The following BMPER variants were observed in gnomAD, a reference collection of about 807,000 sequenced individuals.
BMPER encodes BMP-binding endothelial regulator protein.
Under a neutral mutation model 87.3 loss-of-function variants are expected in BMPER, and 45 were observed. The observed-to-expected ratio is 0.52, with a 90% CI of 0.41 to 0.66. The LOEUF (loss-of-function observed/expected upper bound fraction) is 0.66. Among genes scored for constraint, BMPER ranks in the 30% least tolerant of loss-of-function variants. The pLI, the probability that BMPER is intolerant of heterozygous loss-of-function variation, is 0.00. For synonymous variants in BMPER, 326 were observed against 316.2 expected, an observed-to-expected ratio of 1.03 and a Z score of -0.33; for missense variants, 784 against 867.5, an observed-to-expected ratio of 0.90 and a Z score of 1.21.
At chr7:33,933,685 G>A (rs1784534150) in intron 2 of BMPER, among the ~76,000 whole-genome samples, 1 of 152,154 alleles carries the variant, frequency 6.6e-6, no homozygotes, top group Non-Finnish European at 1.5e-5. Context: ...GGTTGGCCAT[G>A]ACACAGGCCC....
intron 11 of BMPER, among the ~76,000 whole-genome samples, chr7:34,069,222 A>G (rs961296980): frequency 2.6e-5 from 4 of 152,226 alleles, no homozygotes; most frequent in African/African-American, 7.2e-5. Context: ...AAACGACAAA[A>G]CAAATGAACA....
chr7:34,117,389 C>G (rs1163075379), intron 13 of BMPER, among the ~76,000 whole-genome samples: 1 of 152,100 alleles, frequency 6.6e-6, no homozygotes, highest in African/African-American at 2.4e-5. Context: ...GAGTCAGAAG[C>G]ACCGAACTCA....
In BMPER at chr7:34,023,231, C is replaced by T. The variant is rs181514379; in HGVS notation, c.577-23075C>T. The stretch of plus-strand genomic sequence containing the variant: ...ATCCACTGCTGTCACAGTGTGTCCT[C>T]TAAGGCTAGTCGTCATACATCTTGG... On this transcript the variant is annotated intron_variant, in intron 6 of 14. Coordinates refer to ENST00000649409, the MANE Select transcript of BMPER (RefSeq NM_001365308.1). Among the ~76,000 whole-genome samples, 830 of 152,144 alleles carry T rather than the reference C, an allele frequency of 5.5e-3. 3 individuals carry two copies. The highest frequency in any genetic ancestry group is 8.8e-3 in the Non-Finnish European group (598 of 67,962).
In BMPER at chr7:33,980,357, G is replaced by A. The variant is rs118099343; in HGVS notation, c.576+5573G>A. ...TAAGCACTATATTCATGTTTAAATG[G>A]AAAGAGGATTCTTTCCTACCACTGA... On this transcript the variant is annotated intron_variant, in intron 6 of 14. Coordinates refer to ENST00000649409, the MANE Select transcript of BMPER (RefSeq NM_001365308.1). 2.6e-3 allele frequency among the ~76,000 whole-genome samples: 397 copies of A among 152,272 alleles called. 9 individuals are homozygous for A. The East Asian group carries it at 0.041, about 16-fold the overall frequency.
At chr7:33,938,189 C>A (rs1193173661) in intron 3 of BMPER, among the ~76,000 whole-genome samples, 3 of 152,130 alleles carry the variant, frequency 2.0e-5, no homozygotes, top group Admixed American at 6.5e-5. Context: ...TAGCGCTTCA[C>A]AGTGTGGGGC....
At chr7:33,934,035 G>A (rs1180193440) in intron 2 of BMPER, among the ~76,000 whole-genome samples, 2 of 152,198 alleles carry the variant, frequency 1.3e-5, no homozygotes, top group African/African-American at 2.4e-5. Context: ...CTTGAATGAA[G>A]ATGTGAACGG....
chr7:34,042,826 A>G (rs1787866812), intron 6 of BMPER: 2 of 152,198 alleles, frequency 1.3e-5, no homozygotes, highest in Non-Finnish European at 2.9e-5. Flanking sequence ...AGTAAAGTCA[A>G]TGTCTCCTTA....
At chr7:34,051,668 T>C (rs1392067490) in intron 7 of BMPER, among the ~76,000 whole-genome samples, 193 bp from the exon 8 acceptor site, 1 of 152,222 alleles carries the variant, frequency 6.6e-6, no homozygotes, top group African/African-American at 2.4e-5. Flanking sequence ...TCAAACTCTT[T>C]TTTAACAAAC....
intron 13 of BMPER, among the ~76,000 whole-genome samples, chr7:34,119,678 T>C (rs1264297567): frequency 6.6e-6 from 1 of 152,070 alleles, no homozygotes; most frequent in South Asian, 2.1e-4. Flanking sequence ...AGAAAAACTA[T>C]TATAAATAGA....
At chr7:33,944,931 A>G (rs1318594978) in intron 3 of BMPER, among the ~76,000 whole-genome samples, 1 of 152,136 alleles carries the variant, frequency 6.6e-6, no homozygotes, top group Non-Finnish European at 1.5e-5. Flanking sequence ...CTCAGAGATA[A>G]CATTATTCCT....
intron 6 of BMPER, among the ~76,000 whole-genome samples, chr7:34,035,845 A>G (rs1373626063): frequency 6.6e-6 from 1 of 152,228 alleles, no homozygotes; most frequent in African/African-American, 2.4e-5. Context: ...ACAAAATAAA[A>G]CAATATAAAC....
intron 6 of BMPER, among the ~76,000 whole-genome samples, chr7:33,975,518 G>A (rs922001566): frequency 6.6e-6 from 1 of 152,170 alleles, no homozygotes; most frequent in Admixed American, 6.5e-5. Context: ...TGCTACAATT[G>A]TAAAGGGATC....
At chr7:33,979,401 T>C (rs1785784033) in intron 6 of BMPER, among the ~76,000 whole-genome samples, 1 of 151,780 alleles carries the variant, frequency 6.6e-6, no homozygotes, top group Non-Finnish European at 1.5e-5. Context: ...TGTTTTCTCT[T>C]TTGTATTCCT....
At chr7:34,005,393 A>AT (rs1378031692) in intron 6 of BMPER, among the ~76,000 whole-genome samples, 16 of 151,912 alleles carry the variant, frequency 1.1e-4, no homozygotes, top group African/African-American at 2.4e-5. Flanking sequence ...CACACCTCAG[A>AT]TTTTTGCCTT....
intron 13 of BMPER, among the ~76,000 whole-genome samples, chr7:34,129,573 GGAAGGAGA>G (rs1790496966): frequency 1.6e-5 from 1 of 63,984 alleles, no homozygotes; most frequent in South Asian, 6.7e-4. Context: ...AAGGAAGGAA[GGAAGGAGA>G]GAGAGAGAGA....
intron 11 of BMPER, among the ~76,000 whole-genome samples, chr7:34,075,300 T>G (rs1788835262): frequency 6.6e-6 from 1 of 152,174 alleles, no homozygotes; most frequent in Non-Finnish European, 1.5e-5. Context: ...TTTCCAAAAG[T>G]ATACATAGTC....
At chr7:34,142,447 C>T (rs918948077) in intron 13 of BMPER, among the ~76,000 whole-genome samples, 1 of 152,100 alleles carries the variant, frequency 6.6e-6, no homozygotes, top group African/African-American at 2.4e-5. Context: ...AATGTAAGGC[C>T]ATTATTATGT....
chr7:33,983,333 A>C (rs543017497), intron 6 of BMPER, among the ~76,000 whole-genome samples: 69 of 152,226 alleles, frequency 4.5e-4, no homozygotes, highest in African/African-American at 1.7e-3. Flanking sequence ...CTACACAGGG[A>C]GACATTGACT....
intron 14 of BMPER, among the ~76,000 whole-genome samples, chr7:34,152,257 A>G (rs1378933962): frequency 6.6e-6 from 1 of 152,228 alleles, no homozygotes; most frequent in African/African-American, 2.4e-5. Context: ...TCCCTGATCT[A>G]AATTCCTACT....
Sources: gnomAD v4.1 joint callset for allele counts (sites outside exome capture counted in the v4.1 genomes callset) on GRCh38, gnomAD v4.1.1 for gene constraint, MANE v1.5 for transcripts, NCBI Gene and HGNC (gene_info 2026-07-23, HGNC 2026-07-21) for gene names.